The following VPS13B variants were observed in gnomAD, a reference collection of about 807,000 sequenced individuals.
VPS13B encodes the protein intermembrane lipid transfer protein VPS13B.
A neutral mutation model predicts 426.4 loss-of-function variants in VPS13B; 285 were observed. The observed-to-expected ratio is 0.67, with a 90% CI of 0.61 to 0.74. The LOEUF (loss-of-function observed/expected upper bound fraction) is 0.74, where lower values mean the gene tolerates loss of function less well. VPS13B is among the 30% of genes least tolerant of loss of function. The probability of loss-of-function intolerance (pLI) is 0.00; values close to 1 mark genes in which losing one functional copy is unlikely to be tolerated. For missense variants in VPS13B, 4,537 were observed against 4,782.6 expected, an observed-to-expected ratio of 0.95 and a Z score of 1.51; for synonymous variants, 1,676 against 1,676.4, an observed-to-expected ratio of 1.00 and a Z score of 0.01.
chr8:99,275,115 T>A lies in VPS13B; in HGVS notation c.2685T>A (p.Leu895=), dbSNP rs762130581. The change falls in exon 19 of 62, where the codon CTT becomes CTA. Residue 895 remains leucine (L), a synonymous_variant. Coordinates refer to ENST00000357162, the MANE Select transcript of VPS13B (RefSeq NM_152564.5). ...DSGKEKLIPL[L]QGPSDTKDLH... Reference sequence around the variant, plus strand: ...GAAAAGAGAAGTTGATTCCCTTGCTTCAGGGTCCTTCTGACACTAAAGACC... The same window carrying A: ...GAAAAGAGAAGTTGATTCCCTTGCTACAGGGTCCTTCTGACACTAAAGACC... 2 of 1,608,364 alleles carry A rather than the reference T, an allele frequency of 1.2e-6. No homozygotes were observed. The highest frequency in any genetic ancestry group is 2.2e-5 in the South Asian group (2 of 89,406).
intron 17 of VPS13B, among the ~76,000 whole-genome samples, chr8:99,273,231 T>A (rs1210627078): frequency 6.7e-6 from 1 of 150,336 alleles, no homozygotes; most frequent in East Asian, 2.0e-4. Context: ...CGACCTCTGC[T>A]CACTGCAACC....
At chr8:99,304,344 A>G (rs746586545) in intron 19 of VPS13B, among the ~76,000 whole-genome samples, 10 of 152,150 alleles carry the variant, frequency 6.6e-5, no homozygotes, top group Non-Finnish European at 1.3e-4. Context: ...TTAGGAAAGA[A>G]AATTTTAAAG....
intron 17 of VPS13B, among the ~76,000 whole-genome samples, chr8:99,242,657 T>C (rs1291691682): frequency 1.3e-5 from 2 of 152,228 alleles, no homozygotes; most frequent in Admixed American, 6.5e-5. Context: ...TAAGTATATC[T>C]AGATATATTG....
At chr8:99,644,039 C>T (rs541369957) in intron 34 of VPS13B, among the ~76,000 whole-genome samples, 30 of 152,232 alleles carry the variant, frequency 2.0e-4, no homozygotes, top group Admixed American at 1.2e-3. Context: ...CAGCTACAGT[C>T]GCTCTATAGG....
At chr8:99,836,770 T>C (rs1815415089) in intron 54 of VPS13B, among the ~76,000 whole-genome samples, 1 of 152,224 alleles carries the variant, frequency 6.6e-6, no homozygotes, top group South Asian at 2.1e-4. Flanking sequence ...ATAATGGTTA[T>C]CATTGAATAA....
At chr8:99,290,512 C>G (rs901651060) in intron 19 of VPS13B, among the ~76,000 whole-genome samples, 5 of 151,458 alleles carry the variant, frequency 3.3e-5, no homozygotes, top group African/African-American at 1.2e-4. Flanking sequence ...TCATGGGGTG[C>G]GGGGAGAGGG....
chr8:99,654,343 C>T (rs891594149), intron 34 of VPS13B, among the ~76,000 whole-genome samples: 2 of 152,202 alleles, frequency 1.3e-5, no homozygotes, highest in African/African-American at 4.8e-5. Flanking sequence ...CCACCACGCC[C>T]GGCTGACACT....
chr8:99,219,924 C>T (rs1815609767), intron 17 of VPS13B, among the ~76,000 whole-genome samples: 1 of 152,094 alleles, frequency 6.6e-6, no homozygotes, highest in Non-Finnish European at 1.5e-5. Flanking sequence ...TTCATTTGAC[C>T]AGGGGCAGCT....
intron 34 of VPS13B, among the ~76,000 whole-genome samples, chr8:99,646,717 T>C (rs1321723042): frequency 6.6e-6 from 1 of 152,180 alleles, no homozygotes; most frequent in Non-Finnish European, 1.5e-5. Context: ...GGCAGATTCC[T>C]CATGAATGGT....
intron 19 of VPS13B, among the ~76,000 whole-genome samples, chr8:99,288,267 T>C (rs1355993403): frequency 2.0e-5 from 3 of 152,196 alleles, no homozygotes; most frequent in Non-Finnish European, 4.4e-5. Context: ...AAAATTACTT[T>C]TAATAGTGAT....
chr8:99,852,814 AT>A lies in VPS13B; in HGVS notation c.10062-631del, dbSNP rs535201046. ...AAGGGAGAGAGTGGAGTCATGAGGG[AT>A]TTTTTGAGCTGAGAGATGACAGCAT... On this transcript the variant is annotated intron_variant, in intron 55 of 61. Coordinates refer to ENST00000357162, the MANE Select transcript of VPS13B (RefSeq NM_152564.5). Among the ~76,000 whole-genome samples, 385 of 152,072 alleles carry A rather than the reference AT, an allele frequency of 2.5e-3. 1 individual carries two copies. Among genetic ancestry groups the A allele is most frequent in the Non-Finnish European group, 4.3e-3 (292 of 67,986 alleles).
chr8:99,641,992 C>T lies in VPS13B; in HGVS notation c.5402C>T (p.Ser1801Leu), dbSNP rs781212022. Residue 1801 changes from serine to leucine, a missense_variant, in exon 34 of 62, where the codon TCA becomes TTA. This residue lies in a region of VPS13B where 4,311 missense variants were observed against 4,474.3 expected (regional missense o/e 0.96). Coordinates refer to ENST00000357162, the MANE Select transcript of VPS13B (RefSeq NM_152564.5). The part of the protein sequence containing the change: ...QHRIARPSRQ[S>L]SIVKNLNFIP... ...CGCATTGCCCGTCCCTCACGCCAGT[C>T]ATCAATTGTAAAAAATCTAAATTTT... 1 of 1,614,104 alleles carries T rather than the reference C, an allele frequency of 6.2e-7. No homozygotes were observed. Among genetic ancestry groups the T allele is most frequent in the Non-Finnish European group, 8.5e-7 (1 of 1,180,022 alleles).
At chr8:99,501,606 TC>T in intron 25 of VPS13B, 80 bp from the exon 26 acceptor site, 1 of 1,404,620 alleles carries the variant, frequency 7.1e-7, no homozygotes, top group Non-Finnish European at 9.8e-7. Flanking sequence ...AATAATAATT[TC>T]TGATTTTAAT....
intron 56 of VPS13B, among the ~76,000 whole-genome samples, chr8:99,856,273 C>T (rs1816540762): frequency 6.6e-6 from 1 of 152,216 alleles, no homozygotes. Context: ...GCCAAGTTTT[C>T]AGAGCCTGTT....
chr8:99,474,280 G>A (rs867446926), intron 24 of VPS13B, among the ~76,000 whole-genome samples: 6 of 146,574 alleles, frequency 4.1e-5, no homozygotes, highest in Middle Eastern at 3.6e-3. Context: ...CCTCCTCCTC[G>A]CAGGTTCAAG....
intron 17 of VPS13B, among the ~76,000 whole-genome samples, chr8:99,208,483 C>T (rs777190042): frequency 1.3e-5 from 2 of 151,850 alleles, no homozygotes; most frequent in Non-Finnish European, 2.9e-5. Flanking sequence ...CTGATTCTAT[C>T]TTTTTATAGT....
intron 19 of VPS13B, chr8:99,347,413 G>A (rs1294126529): frequency 5.7e-6 from 1 of 174,480 alleles, no homozygotes; most frequent in Non-Finnish European, 1.2e-5. Context: ...AGTGATCCTT[G>A]ATTTTATCTT....
At position 99,876,855 on chromosome 8, in the gene VPS13B, TTTTA is replaced by T. The variant is rs1225713389; in HGVS notation, c.*1193_*1196del. The T allele has an allele frequency of 6.6e-6, 1 of 151,792 alleles. No individual in the cohort carries two copies. The highest frequency in any genetic ancestry group is 1.5e-5 in the Non-Finnish European group (1 of 68,014). 9.4% of individuals were successfully genotyped at this position (151,792 alleles called of 1,614,324 possible). A position where few individuals can be genotyped will look rare whatever the true frequency, so the allele number is the denominator to read the frequency against. On this transcript the variant is annotated 3_prime_UTR_variant, in exon 62 of 62. Coordinates refer to ENST00000357162, the MANE Select transcript of VPS13B (RefSeq NM_152564.5). Reference sequence around the variant, plus strand: ...GAATGCAATTTTAAATGCCCACTGGTTTTATTTGTTTTGGAGAGAGGGTCTCATT... The same window carrying T: ...GAATGCAATTTTAAATGCCCACTGGTTTTGTTTTGGAGAGAGGGTCTCATT...
intron 17 of VPS13B, among the ~76,000 whole-genome samples, chr8:99,267,792 A>C (rs1030565918): frequency 3.3e-5 from 5 of 152,136 alleles, no homozygotes; most frequent in Admixed American, 2.0e-4. Context: ...TGGCCACAAA[A>C]ATTTGCATAA....
Sources: allele counts gnomAD v4.1 joint callset (sites outside exome capture counted in the v4.1 genomes callset), GRCh38; gene constraint gnomAD v4.1.1; regional missense constraint gnomAD v4.1.1; transcripts MANE v1.5; gene names NCBI Gene and HGNC (gene_info 2026-07-23, HGNC 2026-07-21).